NTM: variants seen among roughly 807,000 people sequenced by gnomAD.
NTM encodes the protein IgLON family member 2.
NTM carries 13 observed loss-of-function variants against 42.1 expected under a neutral mutation model. The observed-to-expected ratio is 0.31, with a 90% CI of 0.20 to 0.49. NTM has a LOEUF of 0.49. Ranked by LOEUF, NTM falls within the 20% of genes least tolerant of loss-of-function variation. NTM has a pLI of 0.99. For missense variants in NTM, 373 were observed against 452.8 expected, an observed-to-expected ratio of 0.82 and a Z score of 1.60; for synonymous variants, 187 against 179.2, an observed-to-expected ratio of 1.04 and a Z score of -0.35.
At chr11:132,179,144 A>G (rs186173506) in intron 3 of NTM, among the ~76,000 whole-genome samples, 1 of 152,334 alleles carries the variant, frequency 6.6e-6, no homozygotes, top group East Asian at 1.9e-4. Context: ...ATATAACACA[A>G]TGAACTGCTG....
At chr11:132,245,951 C>T (rs1170814582) in intron 4 of NTM, among the ~76,000 whole-genome samples, 1 of 152,138 alleles carries the variant, frequency 6.6e-6, no homozygotes, top group East Asian at 1.9e-4. Flanking sequence ...TCCCAGCTGC[C>T]GCGTCAGGAT....
chr11:132,247,195 C>G (rs144687040), intron 4 of NTM, among the ~76,000 whole-genome samples: 4 of 152,180 alleles, frequency 2.6e-5, no homozygotes, highest in African/African-American at 9.7e-5. Flanking sequence ...TTGCCATCTG[C>G]GTGTATGTCC....
At chr11:132,315,637 A>G (rs3099770) in intron 7 of NTM, among the ~76,000 whole-genome samples, 89,631 of 152,026 alleles carry the variant, frequency 0.59, 26,426 homozygotes, top group South Asian at 0.62. Flanking sequence ...TATATTCTGA[A>G]AACTTTGGGA....
intron 1 of NTM, among the ~76,000 whole-genome samples, chr11:131,838,337 G>A (rs2043783686): frequency 6.6e-6 from 1 of 152,180 alleles, no homozygotes; most frequent in African/African-American, 2.4e-5. Flanking sequence ...CACAAAAATA[G>A]TACAGCCGAG....
chr11:131,735,186 C>T (rs2080251838), intron 1 of NTM, among the ~76,000 whole-genome samples: 1 of 152,148 alleles, frequency 6.6e-6, no homozygotes. Flanking sequence ...GAAAGCCAAA[C>T]TGAAAACTAT....
At chr11:131,803,379 G>A (rs1018306711) in intron 1 of NTM, among the ~76,000 whole-genome samples, 1 of 151,760 alleles carries the variant, frequency 6.6e-6, no homozygotes, top group Non-Finnish European at 1.5e-5. Context: ...TGCAATCTTG[G>A]CTCACCGCAA....
At position 132,146,594 on chromosome 11, in the gene NTM, C is replaced by T. The variant is rs1030379083; in HGVS notation, c.400+80C>T. On this transcript the variant is annotated intron_variant, in intron 3 of 8. Coordinates refer to ENST00000683400, the MANE Select transcript of NTM (RefSeq NM_001352005.2). This position sits in a 1 kb window ranked among gnomAD's most constrained non-coding sequence, Gnocchi z 4.5. The stretch of plus-strand genomic sequence containing the variant: ...AGGTAAAGGTTTGTTCTCTGATCCT[C>T]AACAGAGATGAGTTATCCTTATTCT... The T allele has an allele frequency of 1.5e-5, 21 of 1,405,364 alleles. 1 individual carries two copies. In the Admixed American group the frequency reaches 2.7e-4, roughly 18 times the overall value. 87.1% of individuals were successfully genotyped at this position (1,405,364 alleles called of 1,614,324 possible). A position where few individuals can be genotyped will look rare whatever the true frequency, so the allele number is the denominator to read the frequency against.
intron 2 of NTM, among the ~76,000 whole-genome samples, chr11:132,096,111 T>G (rs2060947896): frequency 6.6e-6 from 1 of 152,208 alleles, no homozygotes; most frequent in African/African-American, 2.4e-5. Flanking sequence ...TAGGCCACTC[T>G]TCTTTTCCTT....
rs1201936835 is a variant in NTM at position 131,598,771 on chromosome 11, TTTCTTTCTTTC to T, written c.82+227897_82+227907del. Among the ~76,000 whole-genome samples, 798 of 100,200 alleles carry T rather than the reference TTTCTTTCTTTC, an allele frequency of 8.0e-3. 160 individuals carry two copies. The highest frequency in any genetic ancestry group is 0.019 in the African/African-American group (638 of 32,792). The allele number at this position is 100,200 out of a possible 152,430, so 65.7% of individuals were successfully genotyped here. A position where few individuals can be genotyped will look rare whatever the true frequency, so the allele number is the denominator to read the frequency against. On this transcript the variant is annotated intron_variant, in intron 1 of 8. Transcript: ENST00000683400. ...TCTTTCTTTCTTCTTTCTTTTTTTCTTTCTTTCTTTCTTCTTTCTTTCTTTCTTTTTCTTTC... is the reference window on the plus strand; with the variant it reads ...TCTTTCTTTCTTCTTTCTTTTTTTCTTTCTTTCTTTCTTTCTTTTTCTTTC...
At chr11:132,092,451 C>T (rs541590999) in intron 2 of NTM, among the ~76,000 whole-genome samples, 1 of 152,328 alleles carries the variant, frequency 6.6e-6, no homozygotes, top group South Asian at 2.1e-4. Context: ...TCAAGTCACT[C>T]AGCACCTATC....
At chr11:131,883,794 T>C (rs986428269) in intron 1 of NTM, among the ~76,000 whole-genome samples, 2 of 152,152 alleles carry the variant, frequency 1.3e-5, no homozygotes, top group African/African-American at 2.4e-5. Flanking sequence ...ATTTTCAAGG[T>C]AAACTTCACT....
intron 2 of NTM, chr11:131,981,343 C>T (rs2065203402): frequency 6.6e-6 from 1 of 152,224 alleles, no homozygotes; most frequent in African/African-American, 2.4e-5. Flanking sequence ...CAATGTGCCT[C>T]TGTTTGACCA....
chr11:131,925,532 C>G (rs1345776828), intron 2 of NTM, among the ~76,000 whole-genome samples: 1 of 151,970 alleles, frequency 6.6e-6, no homozygotes, highest in Non-Finnish European at 1.5e-5. Context: ...ACCACAGGTA[C>G]ATGCCACCAT....
At chr11:131,660,580 C>G (rs770442787) in intron 1 of NTM, 3 of 457,660 alleles carry the variant, frequency 6.6e-6, no homozygotes, top group South Asian at 1.5e-5. Flanking sequence ...CCTCATGCCT[C>G]GAAACCTTGC....
intron 1 of NTM, among the ~76,000 whole-genome samples, chr11:131,635,273 T>G (rs2064214006): frequency 6.6e-6 from 1 of 152,180 alleles, no homozygotes; most frequent in African/African-American, 2.4e-5. Flanking sequence ...AAGGCATTGC[T>G]ATCACAGGAG....
At chr11:131,832,137 C>T (rs75751574) in intron 1 of NTM, among the ~76,000 whole-genome samples, 5,788 of 150,568 alleles carry the variant, frequency 0.038, 379 homozygotes, top group African/African-American at 0.13. Context: ...ACACGCCACA[C>T]ACACACAAAA....
chr11:131,373,360 G>C (rs1227251761), intron 1 of NTM, among the ~76,000 whole-genome samples: 2 of 152,150 alleles, frequency 1.3e-5, no homozygotes, highest in Non-Finnish European at 2.9e-5. Flanking sequence ...TCCTAGAGCT[G>C]CTGCTTCCTG....
intron 1 of NTM, chr11:131,534,999 C>G (rs1244863305): frequency 6.6e-6 from 1 of 152,208 alleles, no homozygotes; most frequent in Non-Finnish European, 1.5e-5. Flanking sequence ...TGCTCTGCAA[C>G]CACCACTGAA....
intron 2 of NTM, among the ~76,000 whole-genome samples, chr11:131,987,385 TATTCTATTC>T (rs2066239809): frequency 3.0e-5 from 2 of 65,948 alleles, no homozygotes; most frequent in African/African-American, 7.5e-5. Context: ...CCTCCTATTC[TATTCTATTC>T]TATTCTATTC....
Sources: gnomAD v4.1 joint callset for allele counts (sites outside exome capture counted in the v4.1 genomes callset) on GRCh38, gnomAD v4.1.1 for gene constraint, Gnocchi (gnomAD v3.1) non-coding constraint, MANE v1.5 for transcripts, NCBI Gene and HGNC (gene_info 2026-07-23, HGNC 2026-07-21) for gene names.